Variants in CLDN10 observed in about 807,000 individuals in gnomAD.
CLDN10 encodes the protein claudin 10.
In CLDN10, 15 loss-of-function variants were observed where a neutral mutation model predicts 22.9. The ratio of observed to expected loss-of-function variants is 0.65; its 90% CI spans 0.44 to 1.01. The LOEUF (loss-of-function observed/expected upper bound fraction) is 1.01. Ranked by LOEUF, CLDN10 falls within the 50% of genes least tolerant of loss-of-function variation. CLDN10 has a pLI of 0.00. For synonymous variants in CLDN10, 114 were observed against 111.4 expected (o/e 1.02, Z -0.15); for missense variants, 247 against 287.8 (o/e 0.86, Z 1.03).
chr13:95,477,798 G>A (rs541593732), intron 1 of CLDN10, among the ~76,000 whole-genome samples: 6 of 152,272 alleles, frequency 3.9e-5, no homozygotes, highest in Non-Finnish European at 7.3e-5. Flanking sequence ...TAACCCATAT[G>A]TATCTTAAGC....
At chr13:95,499,157 G>A (rs1182903434) in intron 1 of CLDN10, among the ~76,000 whole-genome samples, 3 of 152,228 alleles carry the variant, frequency 2.0e-5, no homozygotes, top group Non-Finnish European at 4.4e-5. Flanking sequence ...AGAAGTCCAT[G>A]AAAATGCTTG....
At chr13:95,533,757 G>A (rs1287731802) in intron 1 of CLDN10, 4 of 152,204 alleles carry the variant, frequency 2.6e-5, no homozygotes, top group South Asian at 2.1e-4. Context: ...TCAGGCCTGC[G>A]GGCAATGCAG....
intron 1 of CLDN10, among the ~76,000 whole-genome samples, chr13:95,541,932 A>G (rs940208358): frequency 1.3e-5 from 2 of 152,220 alleles, no homozygotes; most frequent in African/African-American, 4.8e-5. Flanking sequence ...AGACTGGGTA[A>G]TTTATAAAGA....
chr13:95,508,969 G>C (rs2043068132), intron 1 of CLDN10, among the ~76,000 whole-genome samples: 1 of 152,176 alleles, frequency 6.6e-6, no homozygotes, highest in African/African-American at 2.4e-5. Flanking sequence ...CTGTTGGTTT[G>C]ACATGATCAG....
chr13:95,500,965 C>T (rs995247731), intron 1 of CLDN10, among the ~76,000 whole-genome samples: 7 of 151,986 alleles, frequency 4.6e-5, no homozygotes, highest in African/African-American at 1.7e-4. Flanking sequence ...GGGATACCAT[C>T]GAGGGCAGAT....
intron 1 of CLDN10, among the ~76,000 whole-genome samples, chr13:95,458,895 C>T (rs374710646): frequency 6.6e-6 from 1 of 152,238 alleles, no homozygotes; most frequent in East Asian, 1.9e-4. Context: ...CACCTATGAG[C>T]CTGTAAAATC....
chr13:95,577,133 A>C (rs1426825317), intron 3 of CLDN10, 98 bp from the exon 4 acceptor site: 8 of 779,208 alleles, frequency 1.0e-5, no homozygotes, highest in Non-Finnish European at 1.7e-5. Flanking sequence ...ATAGCAAAAA[A>C]ACATAATAAG....
chr13:95,481,361 T>C (rs867646844), intron 1 of CLDN10, among the ~76,000 whole-genome samples: 7 of 152,204 alleles, frequency 4.6e-5, no homozygotes, highest in South Asian at 2.1e-4. Context: ...CCAACATTCA[T>C]GGGAATAGAA....
Position 95,552,830 on chromosome 13 carries a change from C to T in CLDN10, c.77C>T (p.Pro26Leu). 3 of 1,614,086 alleles carry T rather than the reference C, an allele frequency of 1.9e-6. No individual in the cohort carries two copies. The highest frequency in any genetic ancestry group is 1.1e-5 in the South Asian group (1 of 91,080). ...TGGGTACTGGTGTCCTCCACGCTGC[C>T]CACCGACTACTGGAAGGTGTCTACC... Reference protein sequence around the residue: ...SGWVLVSSTLPTDYWKVSTID... With the variant: ...SGWVLVSSTLLTDYWKVSTID... Residue 26 changes from proline (P) to leucine (L), a missense_variant, in exon 1 of 5, where the codon CCC becomes CTC. Physicochemically the swap from Pro to Leu is moderately conservative, Grantham distance 98. Transcript: ENST00000299339.
At position 95,453,022 on chromosome 13, in the gene CLDN10, C is replaced by A. The variant is rs564495357; in HGVS notation, c.214+18975C>A. Among the ~76,000 whole-genome samples, 3 of 152,232 alleles carry A rather than the reference C, an allele frequency of 2.0e-5. No individual in the cohort carries two copies. The South Asian group carries it at 6.2e-4, about 32-fold the overall frequency. ...ACTTCAATGTACAGGTCTTGCCTTCCTATTTATAAACTTTGATTCTTCCCT... is the reference window on the plus strand; with the variant it reads ...ACTTCAATGTACAGGTCTTGCCTTCATATTTATAAACTTTGATTCTTCCCT... On this transcript the variant is annotated intron_variant, in intron 1 of 4. Transcript: ENST00000376873.
chr13:95,539,464 T>C (rs2043437101), intron 1 of CLDN10, among the ~76,000 whole-genome samples: 1 of 152,106 alleles, frequency 6.6e-6, no homozygotes, highest in Non-Finnish European at 1.5e-5. Context: ...AGGTTTGCTA[T>C]ATTCATTGGA....
intron 1 of CLDN10, among the ~76,000 whole-genome samples, chr13:95,499,745 C>T (rs1385114896): frequency 6.6e-6 from 1 of 152,012 alleles, no homozygotes; most frequent in Non-Finnish European, 1.5e-5. Flanking sequence ...AGCGGAGCCC[C>T]AACACTGACC....
At chr13:95,486,850 T>C (rs1477855807) in intron 1 of CLDN10, among the ~76,000 whole-genome samples, 1 of 152,314 alleles carries the variant, frequency 6.6e-6, no homozygotes, top group African/African-American at 2.4e-5. Context: ...CTTTACCGCC[T>C]CAGTGTTCAA....
chr13:95,577,252 GT>G lies in CLDN10; in HGVS notation c.489del (p.Phe163LeufsTer11). 6 of 1,614,062 alleles carry G rather than the reference GT, an allele frequency of 3.7e-6. No individual in the cohort carries two copies. Among genetic ancestry groups the G allele is most frequent in the Non-Finnish European group, 5.1e-6 (6 of 1,179,900 alleles). On this transcript the variant is annotated frameshift_variant, in exon 4 of 5. Coordinates refer to ENST00000299339, the MANE Select transcript of CLDN10 (RefSeq NM_006984.5). LOFTEE classifies it high-confidence loss of function. ...ACAGGTATGAATTAGGAGCCGCTCT[GT>G]TTATTGGATGGGCAGGAGCCTCACT... ...EQKYELGAAL[F>X]IGWAGASLCI...
At chr13:95,447,867 G>T (rs557945404) in intron 1 of CLDN10, among the ~76,000 whole-genome samples, 1 of 152,120 alleles carries the variant, frequency 6.6e-6, no homozygotes, top group South Asian at 2.1e-4. Flanking sequence ...AGCAGGTGTG[G>T]AGCCCGAGAA....
At chr13:95,496,041 A>G (rs1291056273) in intron 1 of CLDN10, among the ~76,000 whole-genome samples, 2 of 152,188 alleles carry the variant, frequency 1.3e-5, no homozygotes, top group East Asian at 3.9e-4. Flanking sequence ...TCTTCCCCAG[A>G]TGTTCCGGAA....
At chr13:95,452,202 G>C (rs759190056) in intron 1 of CLDN10, among the ~76,000 whole-genome samples, 1 of 151,906 alleles carries the variant, frequency 6.6e-6, no homozygotes, top group Admixed American at 6.6e-5. Flanking sequence ...TAATTTTCTC[G>C]CTGCTCACGT....
chr13:95,477,576 T>C (rs1392022042), intron 1 of CLDN10, among the ~76,000 whole-genome samples: 1 of 151,934 alleles, frequency 6.6e-6, no homozygotes, highest in Non-Finnish European at 1.5e-5. Context: ...AAGCATCAGG[T>C]TTACAGAAAG....
chr13:95,508,880 G>A (rs1462536174), intron 1 of CLDN10, among the ~76,000 whole-genome samples: 8 of 152,196 alleles, frequency 5.3e-5, no homozygotes, highest in Non-Finnish European at 1.0e-4. Context: ...CTAGATGAGC[G>A]TTGTTTCATA....
Sources: gnomAD v4.1 joint callset for allele counts (sites outside exome capture counted in the v4.1 genomes callset) on GRCh38, gnomAD v4.1.1 for gene constraint, MANE v1.5 for transcripts, NCBI Gene and HGNC (gene_info 2026-07-23, HGNC 2026-07-21) for gene names.